ASMT: variants seen among roughly 807,000 people sequenced by gnomAD.
ASMT encodes acetylserotonin N-methyltransferase.
Under a neutral mutation model 41.3 loss-of-function variants are expected in ASMT, and 53 were observed. The observed-to-expected ratio is 1.28, with a 90% CI of 1.03 to 1.61. The LOEUF is 1.61. Ranked by LOEUF, ASMT falls within the 40% of genes most tolerant of loss-of-function variation. ASMT has a pLI of 0.00. For missense variants in ASMT, 531 were observed against 441.3 expected (o/e 1.20, Z -1.82); for synonymous variants, 231 against 184.8 (o/e 1.25, Z -2.03).
chrX:1,636,480 T>C lies in ASMT; in HGVS notation c.830T>C (p.Ile277Thr). ...CCTCTTCCGGAAGCTGATCTGTACA[T>C]CCTGGCCAGGGTCCTCCATGACTGG... ...KDPLPEADLY[I>T]LARVLHDWAD... Residue 277 changes from isoleucine (I) to threonine (T), a missense_variant, in exon 8 of 9, where the codon ATC (isoleucine) becomes ACC (threonine). Transcript: ENST00000381241. 17 of 1,613,906 alleles carry C rather than the reference T, an allele frequency of 1.1e-5. No individual in the cohort carries two copies. The highest frequency in any genetic ancestry group is 1.4e-5 in the Non-Finnish European group (17 of 1,179,854).
chrX:1,617,074 G>C (rs1317755581), intron 1 of ASMT, among the ~76,000 whole-genome samples: 2 of 152,184 alleles, frequency 1.3e-5, no homozygotes, highest in South Asian at 2.1e-4. Flanking sequence ...TCAGGAGGCT[G>C]AGGCGGGAGG....
chrX:1,624,278 GAA>G lies in ASMT; in HGVS notation c.256_257del (p.Asn86HisfsTer54). On this transcript the variant is annotated frameshift_variant, in exon 3 of 9. Transcript: ENST00000381241. LOFTEE classifies it high-confidence loss of function. ...TTTGTGTGTGTTTCAGCTTTCTATCGAAACACAGAGCTGTCCAGCGACTACCT... is the reference window on the plus strand; with the variant it reads ...TTTGTGTGTGTTTCAGCTTTCTATCGACACAGAGCTGTCCAGCGACTACCT... 1 of 1,613,866 alleles carries G rather than the reference GAA, an allele frequency of 6.2e-7. No homozygotes were observed. Among genetic ancestry groups the G allele is most frequent in the South Asian group, 1.1e-5 (1 of 91,080 alleles).
chrX:1,623,624 G>C (rs1391152794), intron 2 of ASMT, among the ~76,000 whole-genome samples: 1 of 152,118 alleles, frequency 6.6e-6, no homozygotes, highest in Non-Finnish European at 1.5e-5. Context: ...GGGTCGTGTG[G>C]TTTTTGTGGC....
chrX:1,627,924 C>A, intron 4 of ASMT, 153 bp downstream of exon 4: 1 of 781,760 alleles, frequency 1.3e-6, no homozygotes, highest in South Asian at 1.5e-5. Context: ...ACTACTACCC[C>A]AGATTTTGCT....
chrX:1,626,149 G>T (rs1934541772), intron 3 of ASMT, among the ~76,000 whole-genome samples: 1 of 151,590 alleles, frequency 6.6e-6, no homozygotes, highest in Non-Finnish European at 1.5e-5. Flanking sequence ...CCAGAACGTA[G>T]ATTTTCTCCA....
At chrX:1,635,021 C>T (rs1934907684) in intron 7 of ASMT, among the ~76,000 whole-genome samples, 1 of 131,212 alleles carries the variant, frequency 7.6e-6, no homozygotes, top group Non-Finnish European at 1.6e-5. Flanking sequence ...GTCACCCAGG[C>T]TGGAGTGCAG....
intron 3 of ASMT, among the ~76,000 whole-genome samples, chrX:1,626,736 A>T (rs1934561645): frequency 6.6e-6 from 1 of 152,222 alleles, no homozygotes; most frequent in Non-Finnish European, 1.5e-5. Flanking sequence ...TAAACAATTA[A>T]GCAACAGCTG....
chrX:1,616,685 C>T (rs1317420111), intron 1 of ASMT, among the ~76,000 whole-genome samples: 1 of 151,302 alleles, frequency 6.6e-6, no homozygotes, highest in Non-Finnish European at 1.5e-5. Context: ...GTCTGGGCAA[C>T]ATAGTGAGAC....
At position 1,640,587 on chromosome X, in the gene ASMT, A is replaced by ATT. The variant is rs1569386580; in HGVS notation, c.911-2216_911-2215insTT. On this transcript the variant is annotated intron_variant, in intron 8 of 8. Coordinates refer to ENST00000381241, the MANE Select transcript of ASMT (RefSeq NM_001171038.2). ...TGTGAGATCCATCCATCCTGATGGC[A>ATT]CATGAGGATGTGGGCACAGCCTCTG... 3.3e-3 allele frequency among the ~76,000 whole-genome samples: 105 copies of ATT among 31,730 alleles called. 1 individual carries two copies. The highest frequency in any genetic ancestry group is 3.6e-3 in the Non-Finnish European group (70 of 19,508). The allele number at this position is 31,730 out of a possible 152,430, so 20.8% of individuals were successfully genotyped here.
At chrX:1,615,781 G>T (rs1351562446) in intron 1 of ASMT, among the ~76,000 whole-genome samples, 1 of 150,744 alleles carries the variant, frequency 6.6e-6, no homozygotes, top group Non-Finnish European at 1.5e-5. Context: ...CCGCCTGGGG[G>T]ACACAGCAAG....
intron 1 of ASMT, among the ~76,000 whole-genome samples, chrX:1,616,110 C>T (rs1326254583): frequency 8.7e-4 from 131 of 151,206 alleles, no homozygotes; most frequent in Admixed American, 1.4e-3. Context: ...CTCACTGCAA[C>T]CTCCGCCTCC....
At chrX:1,637,132 G>A (rs1391450301) in intron 8 of ASMT, among the ~76,000 whole-genome samples, 1 of 110,994 alleles carries the variant, frequency 9.0e-6, no homozygotes, top group Non-Finnish European at 1.9e-5. Flanking sequence ...CCATCCTGAT[G>A]CTTCACGAGG....
At chrX:1,628,840 A>C (rs1934658872) in intron 4 of ASMT, among the ~76,000 whole-genome samples, 10 of 124,342 alleles carry the variant, frequency 8.0e-5, no homozygotes, top group South Asian at 7.8e-4. Context: ...TCTTTCTCTC[A>C]TCTTCTCTGT....
chrX:1,616,097 TG>T (rs1934089370), intron 1 of ASMT, among the ~76,000 whole-genome samples: 1 of 151,178 alleles, frequency 6.6e-6, no homozygotes. Context: ...GGCACGGTCT[TG>T]GCTCACTGCA....
chrX:1,618,122 G>C (rs1242404487), intron 1 of ASMT, among the ~76,000 whole-genome samples: 1 of 149,940 alleles, frequency 6.7e-6, no homozygotes, highest in Non-Finnish European at 1.5e-5. Flanking sequence ...GGGATTACAG[G>C]TGCCTGCCAC....
rs1934971620 is a variant in ASMT, at chrX:1,636,524, C to T, written c.874C>T (p.His292Tyr). ...LHDWADGKCS[H>Y]LLERIYHTCK... The stretch of plus-strand genomic sequence containing the variant: ...TGACTGGGCAGACGGAAAGTGCTCA[C>T]ACCTGCTGGAGAGGATCTACCACAC... The change falls in exon 8 of 9, where the codon CAC becomes TAC. Residue 292 changes from histidine (H) to tyrosine (Y), a missense_variant. His to Tyr is a moderately conservative substitution (Grantham distance 83, BLOSUM62 2). Coordinates refer to ENST00000381241, the MANE Select transcript of ASMT (RefSeq NM_001171038.2). The T allele has an allele frequency of 1.9e-6, 3 of 1,613,846 alleles. No homozygotes were observed. In the South Asian group the frequency reaches 3.3e-5, roughly 18 times the overall value.
Position 1,633,228 on chromosome X carries a change from T to A in ASMT, c.725T>A (p.Val242Glu). The change falls in exon 7 of 9, where the codon GTG becomes GAG. Residue 242 changes from valine to glutamate, a missense_variant. Coordinates refer to ENST00000381241, the MANE Select transcript of ASMT (RefSeq NM_001171038.2). The stretch of plus-strand genomic sequence containing the variant: ...ATCACCGTTTTTGACATCCCAGAAG[T>A]GGTGTGGACGGCAAAGCAGCACTTC... ...CKITVFDIPE[V>E]VWTAKQHFSF... 1.2e-6 allele frequency: 2 copies of A among 1,613,782 alleles called. No individual in the cohort carries two copies. The highest frequency in any genetic ancestry group is 2.2e-5 in the East Asian group (1 of 44,854).
chrX:1,630,419 C>A (rs1448812453), intron 5 of ASMT, among the ~76,000 whole-genome samples: 20 of 151,526 alleles, frequency 1.3e-4, no homozygotes, highest in African/African-American at 4.6e-4. Context: ...GATTCTCCTG[C>A]CCCAGCCTCC....
chrX:1,624,653 G>T (rs1328286789), intron 3 of ASMT, among the ~76,000 whole-genome samples: 1 of 111,242 alleles, frequency 9.0e-6, no homozygotes, highest in Non-Finnish European at 1.8e-5. Flanking sequence ...GGAGGTGGGG[G>T]CTGCCCCCAG....
Sources: gnomAD v4.1 joint callset for allele counts (sites outside exome capture counted in the v4.1 genomes callset) on GRCh38, gnomAD v4.1.1 for gene constraint, MANE v1.5 for transcripts, NCBI Gene and HGNC (gene_info 2026-07-23, HGNC 2026-07-21) for gene names.